Variants in ZSWIM4 observed in about 807,000 individuals in gnomAD.
ZSWIM4 encodes zinc finger SWIM-type containing 4.
In ZSWIM4, 62 loss-of-function variants were observed where a neutral mutation model predicts 102.5. The observed-to-expected ratio is 0.60, with a 90% CI of 0.49 to 0.75. ZSWIM4 has a LOEUF of 0.75. Ranked by LOEUF, ZSWIM4 falls within the 30% of genes least tolerant of loss-of-function variation. ZSWIM4 has a pLI of 0.00. For synonymous variants in ZSWIM4, 652 were observed against 674.5 expected, an observed-to-expected ratio of 0.97 and a Z score of 0.52; for missense variants, 1,280 against 1,529.6, an observed-to-expected ratio of 0.84 and a Z score of 2.72.
chr19:13,818,059 T>C, intron 9 of ZSWIM4, 83 bp downstream of exon 9: 1 of 1,421,726 alleles, frequency 7.0e-7, no homozygotes. Flanking sequence ...TGCTGCCAGA[T>C]GGGAGGCCCC....
At chr19:13,829,761 C>G (rs540512741) in intron 13 of ZSWIM4, among the ~76,000 whole-genome samples, 55 of 151,140 alleles carry the variant, frequency 3.6e-4, no homozygotes, top group Non-Finnish European at 6.2e-4. Context: ...GGAGGCGGAG[C>G]TTGCAGTGAG....
chr19:13,807,136 G>A (rs1227579659), intron 3 of ZSWIM4, among the ~76,000 whole-genome samples: 3 of 151,998 alleles, frequency 2.0e-5, no homozygotes, highest in South Asian at 4.1e-4. Context: ...ACAAATGGGC[G>A]GGTGGGTATT....
chr19:13,813,217 T>A, intron 6 of ZSWIM4, 53 bp downstream of exon 6: 1 of 1,423,888 alleles, frequency 7.0e-7, no homozygotes. Flanking sequence ...CCACTAACTG[T>A]GGCCCCACTT....
intron 2 of ZSWIM4, among the ~76,000 whole-genome samples, chr19:13,801,079 C>T (rs1483954526): frequency 6.6e-6 from 1 of 151,676 alleles, no homozygotes; most frequent in African/African-American, 2.4e-5. Flanking sequence ...AGAGGTCGAG[C>T]CTGCAGTAAG....
intron 9 of ZSWIM4, among the ~76,000 whole-genome samples, chr19:13,818,932 C>T (rs1480510747): frequency 3.4e-5 from 5 of 148,058 alleles, no homozygotes; most frequent in Admixed American, 6.8e-5. Context: ...GGCGCAATCT[C>T]GGCTCACTGC....
At chr19:13,797,471 G>C (rs1246094789) in intron 1 of ZSWIM4, among the ~76,000 whole-genome samples, 1 of 152,160 alleles carries the variant, frequency 6.6e-6, no homozygotes, top group Non-Finnish European at 1.5e-5. Flanking sequence ...CTAAGTCTCA[G>C]ATTCTCCCAG....
intron 13 of ZSWIM4, 50 bp from the exon 14 acceptor site, chr19:13,830,141 G>C: frequency 6.4e-7 from 1 of 1,574,084 alleles, no homozygotes; most frequent in Non-Finnish European, 8.6e-7. Flanking sequence ...ATACATGTAC[G>C]TGTGTCTGCC....
At chr19:13,822,750 A>C (rs541899136) in intron 10 of ZSWIM4, among the ~76,000 whole-genome samples, 501 of 152,162 alleles carry the variant, frequency 3.3e-3, no homozygotes, top group Middle Eastern at 6.8e-3. Context: ...GAGGCCGAGG[A>C]GGGCGGATCA....
At chr19:13,829,417 C>T (rs562053471) in intron 13 of ZSWIM4, among the ~76,000 whole-genome samples, 25 of 152,246 alleles carry the variant, frequency 1.6e-4, no homozygotes, top group Non-Finnish European at 3.5e-4. Flanking sequence ...ATGGCAAAAC[C>T]CCATCTCTAC....
chr19:13,819,820 A>G (rs981432112), intron 10 of ZSWIM4, among the ~76,000 whole-genome samples: 4 of 146,372 alleles, frequency 2.7e-5, no homozygotes, highest in East Asian at 2.0e-4. Flanking sequence ...GGCATGCACC[A>G]CCATGCCCAG....
chr19:13,801,300 G>C (rs1031113342), intron 2 of ZSWIM4, among the ~76,000 whole-genome samples: 1 of 152,174 alleles, frequency 6.6e-6, no homozygotes, highest in Non-Finnish European at 1.5e-5. Flanking sequence ...AGTGCTCCTA[G>C]AGCCCTAGAC....
At chr19:13,819,216 C>T in intron 9 of ZSWIM4, 141 bp from the exon 10 acceptor site, 1 of 1,185,388 alleles carries the variant, frequency 8.4e-7, no homozygotes, top group Non-Finnish European at 1.2e-6. Flanking sequence ...ACCTGAACCC[C>T]TACCCCAGAG....
chr19:13,829,513 C>T (rs922786071), intron 13 of ZSWIM4, among the ~76,000 whole-genome samples: 9 of 152,074 alleles, frequency 5.9e-5, no homozygotes, highest in Non-Finnish European at 1.3e-4. Context: ...ATTGCTGGAA[C>T]CTGGGAGACA....
At chr19:13,828,283 C>T (rs1370815551) in intron 12 of ZSWIM4, among the ~76,000 whole-genome samples, 2 of 152,002 alleles carry the variant, frequency 1.3e-5, no homozygotes, top group Non-Finnish European at 2.9e-5. Context: ...GTGGCGGGCA[C>T]CTGTAATCCC....
intron 11 of ZSWIM4, 152 bp downstream of exon 11, chr19:13,823,652 G>A (rs527457413): frequency 1.9e-5 from 18 of 963,796 alleles, no homozygotes; most frequent in Non-Finnish European, 2.6e-5. Context: ...ACTGTCTCAG[G>A]TGCTGGGGAT....
At chr19:13,812,142 C>A (rs1975113342) in intron 5 of ZSWIM4, among the ~76,000 whole-genome samples, 1 of 152,076 alleles carries the variant, frequency 6.6e-6, no homozygotes, top group African/African-American at 2.4e-5. Flanking sequence ...GCAGGCTAAT[C>A]AAAAATAAAG....
At chr19:13,805,694 G>A (rs750065417) in intron 3 of ZSWIM4, among the ~76,000 whole-genome samples, 12 of 151,894 alleles carry the variant, frequency 7.9e-5, no homozygotes, top group Non-Finnish European at 1.6e-4. Flanking sequence ...GTGATTGGCT[G>A]GGCGCAGGGG....
At chr19:13,812,273 TTTTG>T (rs927365277) in intron 5 of ZSWIM4, among the ~76,000 whole-genome samples, 105 of 151,934 alleles carry the variant, frequency 6.9e-4, no homozygotes, top group South Asian at 5.2e-3. Context: ...GGCCTGGTTT[TTTTG>T]TTTGTTTGTT....
At chr19:13,819,640 T>A in intron 10 of ZSWIM4, 148 bp downstream of exon 10, 1 of 601,070 alleles carries the variant, frequency 1.7e-6, no homozygotes. Context: ...TGATGCCATG[T>A]GCTTTTCATT....
Sources: gnomAD v4.1 joint callset for allele counts (sites outside exome capture counted in the v4.1 genomes callset) on GRCh38, gnomAD v4.1.1 for gene constraint, MANE v1.5 for transcripts, NCBI Gene and HGNC (gene_info 2026-07-23, HGNC 2026-07-21) for gene names.